HEMK2: variants seen among roughly 807,000 people sequenced by gnomAD.
The protein encoded by HEMK2 is HemK methyltransferase 2, ETF1 glutamine and histone H4 lysine.
the HEMK2 span, among the ~76,000 whole-genome samples, chr21:28,852,209 C>G: frequency 1.3e-5 from 2 of 152,186 alleles, no homozygotes; most frequent in African/African-American, 4.8e-5. Flanking sequence ...GTAGAGGCAG[C>G]TCTAATGACT....
chr21:28,760,368 C>A, the HEMK2 span, among the ~76,000 whole-genome samples: 2 of 152,142 alleles, frequency 1.3e-5, no homozygotes, highest in African/African-American at 4.8e-5. Context: ...AAATTTTAGG[C>A]TTTGTGGCAC....
chr21:28,879,993 T>A, the HEMK2 span: 1 of 1,361,750 alleles, frequency 7.3e-7, no homozygotes, highest in Non-Finnish European at 1.0e-6. Context: ...TACATTAAAC[T>A]CTGAATTAAA....
At chr21:28,806,065 A>C in the HEMK2 span, among the ~76,000 whole-genome samples, 1 of 152,216 alleles carries the variant, frequency 6.6e-6, no homozygotes, top group South Asian at 2.1e-4. Context: ...ATCCAGAAAC[A>C]TGAGTCAGCT....
At chr21:28,761,270 A>T in the HEMK2 span, among the ~76,000 whole-genome samples, 6 of 152,102 alleles carry the variant, frequency 3.9e-5, no homozygotes, top group African/African-American at 1.2e-4. Context: ...CAGCGAAAAA[A>T]ATATATATAT....
the HEMK2 span, among the ~76,000 whole-genome samples, chr21:28,639,346 A>G: frequency 2.6e-5 from 4 of 152,222 alleles, no homozygotes; most frequent in African/African-American, 9.7e-5. Context: ...GCATCAAGAA[A>G]AGTAGAGAAG....
chr21:28,676,993 C>T, the HEMK2 span, among the ~76,000 whole-genome samples: 1 of 152,210 alleles, frequency 6.6e-6, no homozygotes, highest in African/African-American at 2.4e-5. Context: ...TGGGTGATTT[C>T]TGCATTTCCA....
the HEMK2 span, among the ~76,000 whole-genome samples, chr21:28,807,678 T>G: frequency 6.6e-6 from 1 of 152,136 alleles, no homozygotes; most frequent in Non-Finnish European, 1.5e-5. Context: ...GAGTCCTTAG[T>G]GGAGAGCCAT....
chr21:28,663,648 T>A, the HEMK2 span, among the ~76,000 whole-genome samples: 1 of 152,242 alleles, frequency 6.6e-6, no homozygotes, highest in Non-Finnish European at 1.5e-5. Context: ...GGGATGGGTT[T>A]CTTTTTGTTG....
At chr21:28,713,779 G>A in the HEMK2 span, among the ~76,000 whole-genome samples, 1 of 152,228 alleles carries the variant, frequency 6.6e-6, no homozygotes. Context: ...TGAACTCTGT[G>A]AAGATGGCAC....
At chr21:28,850,427 T>C in the HEMK2 span, among the ~76,000 whole-genome samples, 1 of 152,026 alleles carries the variant, frequency 6.6e-6, no homozygotes, top group South Asian at 2.1e-4. Context: ...GGTTTCACCG[T>C]GTTAGCCAGG....
At chr21:28,711,594 G>C in the HEMK2 span, among the ~76,000 whole-genome samples, 1 of 152,156 alleles carries the variant, frequency 6.6e-6, no homozygotes, top group Non-Finnish European at 1.5e-5. Flanking sequence ...ATCTAGAGGA[G>C]GGGGCTGATA....
chr21:28,718,314 T>C, the HEMK2 span, among the ~76,000 whole-genome samples: 59 of 152,314 alleles, frequency 3.9e-4, no homozygotes, highest in African/African-American at 1.4e-3. Flanking sequence ...AAATTATTAT[T>C]TTACTGAGAC....
the HEMK2 span, among the ~76,000 whole-genome samples, chr21:28,723,678 T>C: frequency 1.3e-5 from 2 of 152,200 alleles, no homozygotes; most frequent in Non-Finnish European, 2.9e-5. Context: ...CAATAAGATG[T>C]TGATAATCAT....
the HEMK2 span, among the ~76,000 whole-genome samples, chr21:28,749,734 T>C: frequency 6.6e-6 from 1 of 152,172 alleles, no homozygotes; most frequent in African/African-American, 2.4e-5. Flanking sequence ...AGCACTGCAA[T>C]TGAAGGCTAA....
the HEMK2 span, among the ~76,000 whole-genome samples, chr21:28,784,793 C>G: frequency 4.3e-4 from 65 of 152,290 alleles, no homozygotes; most frequent in Middle Eastern, 3.4e-3. Context: ...GTGGGTAGGG[C>G]CAGATAAGGG....
At chr21:28,860,285 C>T in the HEMK2 span, among the ~76,000 whole-genome samples, 1 of 152,012 alleles carries the variant, frequency 6.6e-6, no homozygotes, top group Admixed American at 6.6e-5. Flanking sequence ...GCCTCCCAGC[C>T]TACATCTTTC....
At chr21:28,591,633 AT>A in the HEMK2 span, among the ~76,000 whole-genome samples, 20 of 152,078 alleles carry the variant, frequency 1.3e-4, no homozygotes, top group African/African-American at 4.3e-4. Flanking sequence ...TGTTGTACAG[AT>A]TTTTTCATCA....
chr21:28,668,462 A>G, the HEMK2 span, among the ~76,000 whole-genome samples: 1 of 152,174 alleles, frequency 6.6e-6, no homozygotes, highest in African/African-American at 2.4e-5. Context: ...CCACCTAAAG[A>G]AGTTTTTATC....
the HEMK2 span, among the ~76,000 whole-genome samples, chr21:28,839,000 T>TATATATATATATATATATATATATAC: frequency 5.2e-5 from 3 of 57,998 alleles, no homozygotes; most frequent in Non-Finnish European, 9.7e-5. Flanking sequence ...TATATATATA[T>TATATATATATATATATATATATATAC]ACATATATAT....
Sources: allele counts gnomAD v4.1 joint callset (sites outside exome capture counted in the v4.1 genomes callset), GRCh38; gene constraint gnomAD v4.1.1; transcripts MANE v1.5; gene names NCBI Gene and HGNC (gene_info 2026-07-23, HGNC 2026-07-21).